Variants in ANKRD20A1 observed in about 807,000 individuals in gnomAD.
ANKRD20A1 encodes the protein ankyrin repeat domain 20 family member A1.
In ANKRD20A1, 2 loss-of-function variants were observed where a neutral mutation model predicts 50.9. The observed-to-expected ratio is 0.04, with a 90% CI of 0.02 to 0.12. The LOEUF is 0.12. ANKRD20A1 is among the 10% of genes least tolerant of loss of function. The probability of loss-of-function intolerance (pLI) is 1.00; values close to 1 mark genes in which losing one functional copy is unlikely to be tolerated. For synonymous variants in ANKRD20A1, 10 were observed against 186.2 expected, an observed-to-expected ratio of 0.05 and a Z score of 7.70; for missense variants, 31 against 548.1, an observed-to-expected ratio of 0.06 and a Z score of 9.42.
intron 11 of ANKRD20A1, among the ~76,000 whole-genome samples, chr9:67,888,987 GAC>G (rs1465495224): frequency 6.8e-6 from 1 of 147,068 alleles, no homozygotes. Flanking sequence ...GTGTTTTTGA[GAC>G]AGAGTCTTGC....
chr9:67,885,118 C>T (rs866919210), intron 9 of ANKRD20A1, among the ~76,000 whole-genome samples: 4,185 of 147,588 alleles, frequency 0.028, 1 homozygote, highest in Non-Finnish European at 0.04. Context: ...AGACCTGAGG[C>T]AAGTCAGGAG....
At chr9:67,882,395 C>T (rs1235983029) in intron 8 of ANKRD20A1, among the ~76,000 whole-genome samples, 2 of 143,934 alleles carry the variant, frequency 1.4e-5, no homozygotes, top group African/African-American at 2.5e-5. Flanking sequence ...TAAAATATTG[C>T]TTACATTGTA....
chr9:67,861,307 A>C lies in ANKRD20A1; in HGVS notation c.204-1634A>C, dbSNP rs1416050293. On this transcript the variant is annotated intron_variant, in intron 1 of 14. Coordinates refer to ENST00000562196, the MANE Select transcript of ANKRD20A1 (RefSeq NM_032250.5). ...GATTTTATTATCTATATATTTTATTATGTACATATGTTTTGCTTATATACT... is the reference window on the plus strand; with the variant it reads ...GATTTTATTATCTATATATTTTATTCTGTACATATGTTTTGCTTATATACT... Among the ~76,000 whole-genome samples, 2 of 48,712 alleles carry C rather than the reference A, an allele frequency of 4.1e-5. 1 individual carries two copies. The highest frequency in any genetic ancestry group is 8.3e-5 in the Non-Finnish European group (2 of 24,180). 32.0% of individuals were successfully genotyped at this position (48,712 alleles called of 152,430 possible). A position where few individuals can be genotyped will look rare whatever the true frequency, so the allele number is the denominator to read the frequency against.
intron 3 of ANKRD20A1, among the ~76,000 whole-genome samples, chr9:67,865,203 C>A (rs1827541618): frequency 6.7e-6 from 1 of 149,644 alleles, no homozygotes; most frequent in Non-Finnish European, 1.5e-5. Flanking sequence ...TTTAGCATAC[C>A]CAAAATGTCA....
intron 3 of ANKRD20A1, among the ~76,000 whole-genome samples, chr9:67,866,122 G>A (rs1371279371): frequency 6.7e-6 from 1 of 148,530 alleles, no homozygotes; most frequent in Non-Finnish European, 1.5e-5. Flanking sequence ...TATTATGCCA[G>A]AAATAATCCA....
intron 12 of ANKRD20A1, 77 bp from the exon 13 acceptor site, chr9:67,897,482 T>C (rs1401711608): frequency 2.0e-6 from 1 of 502,254 alleles, no homozygotes; most frequent in Middle Eastern, 5.2e-4. Context: ...TTAACCTGAA[T>C]CAAGTAAAAA....
chr9:67,893,888 G>T (rs1317908860), intron 12 of ANKRD20A1, among the ~76,000 whole-genome samples: 1 of 152,298 alleles, frequency 6.6e-6, no homozygotes, highest in African/African-American at 2.4e-5. Context: ...TAACAATGAT[G>T]GCCACTGAGT....
In ANKRD20A1 at chr9:67,859,349, G is replaced by C; in HGVS notation, c.-78G>C. ...GGGCTGGGTCGGCCGGGGTCGGGGA[G>C]GGGGGTGGTGAAAAGGTGACAGGGA... On this transcript the variant is annotated 5_prime_UTR_variant, in exon 1 of 15. Transcript: ENST00000562196. 6.9e-6 allele frequency: 4 copies of C among 577,234 alleles called. 1 individual carries two copies. Among genetic ancestry groups the C allele is most frequent in the Non-Finnish European group, 7.2e-6 (3 of 419,338 alleles). The allele number at this position is 577,234 out of a possible 1,614,324, so 35.8% of individuals were successfully genotyped here.
At chr9:67,873,084 GTC>G (rs1483322376) in intron 6 of ANKRD20A1, among the ~76,000 whole-genome samples, 2 of 124,508 alleles carry the variant, frequency 1.6e-5, no homozygotes, top group African/African-American at 5.8e-5. Flanking sequence ...AATAGATGAG[GTC>G]TCACTATATT....
In ANKRD20A1 at chr9:67,860,007, T is replaced by TA. The variant is rs1360646167; in HGVS notation, c.203+378_203+379insA. On this transcript the variant is annotated intron_variant, in intron 1 of 14. Coordinates refer to ENST00000562196, the MANE Select transcript of ANKRD20A1 (RefSeq NM_032250.5). ...TATTTACTATATTATATATATATAT[T>TA]TTTTTTTCAGATGAAAAGTATGTTT... Among the ~76,000 whole-genome samples the TA allele has an allele frequency of 2.7e-4, 8 of 29,512 alleles. 4 individuals are homozygous for TA. The highest frequency in any genetic ancestry group is 5.9e-4 in the Non-Finnish European group (8 of 13,460). 19.4% of individuals were successfully genotyped at this position (29,512 alleles called of 152,430 possible).
intron 9 of ANKRD20A1, among the ~76,000 whole-genome samples, chr9:67,884,853 G>C (rs1208690435): frequency 6.6e-6 from 1 of 151,352 alleles, no homozygotes; most frequent in Non-Finnish European, 1.5e-5. Flanking sequence ...TACCACCACT[G>C]CATTCCACCC....
chr9:67,893,590 C>CT, intron 12 of ANKRD20A1, 84 bp downstream of exon 12: 1 of 86,808 alleles, frequency 1.2e-5, no homozygotes, highest in African/African-American at 5.3e-5. Context: ...ATGACATGAC[C>CT]TTTTAGACTA....
Position 67,884,577 on chromosome 9 carries a change from A to C in ANKRD20A1, c.979+7A>C. On this transcript the variant is annotated splice_region_variant and intron_variant, in intron 9 of 14. Coordinates refer to ENST00000562196, the MANE Select transcript of ANKRD20A1 (RefSeq NM_032250.5). ...GTCAATGGACAAGGAGAAGGTGAGA[A>C]CCGTATTTTATTTAAAAAGTCATCT... 1 of 1,592,062 alleles carries C rather than the reference A, an allele frequency of 6.3e-7. No individual in the cohort carries two copies. The highest frequency in any genetic ancestry group is 8.5e-7 in the Non-Finnish European group (1 of 1,178,498).
intron 8 of ANKRD20A1, among the ~76,000 whole-genome samples, chr9:67,882,142 T>A (rs1381554463): frequency 2.0e-5 from 3 of 146,414 alleles, no homozygotes; most frequent in Non-Finnish European, 3.0e-5. Flanking sequence ...ACCATAGACC[T>A]GTGTCACCAT....
rs77626738 is a variant in ANKRD20A1 at position 67,858,934 on chromosome 9, T to C, written c.-493T>C. ...GGGCTGCAAGGCCAGACAGGCCCTC[T>C]TTCTCAGGCCGGGCTGGCTGCGCGC... On this transcript the variant is annotated 5_prime_UTR_variant, in exon 1 of 15. Transcript: ENST00000562196. Among the ~76,000 whole-genome samples, 18,331 of 22,858 alleles carry C rather than the reference T, an allele frequency of 0.8. 8,936 individuals are homozygous for C. Among genetic ancestry groups the C allele is most frequent in the East Asian group, 0.95 (968 of 1,024 alleles). 15.0% of individuals were successfully genotyped at this position (22,858 alleles called of 152,430 possible).
chr9:67,859,610 G>C lies in ANKRD20A1; in HGVS notation c.184G>C (p.Ala62Pro), dbSNP rs1442335806. ...CLARRSGDLD[A>P]LDKQHRTALH... ...GGCGCGCAGGAGCGGAGACCTGGAC[G>C]CCCTGGACAAGCAGCACAGGTAGCG... The change falls in exon 1 of 15, where the codon GCC becomes CCC. Residue 62 changes from alanine to proline, a missense_variant. Coordinates refer to ENST00000562196, the MANE Select transcript of ANKRD20A1 (RefSeq NM_032250.5). The C allele has an allele frequency of 4.6e-6, 3 of 647,642 alleles. 1 individual carries two copies. The African/African-American group carries it at 1.8e-4, about 38-fold the overall frequency. The allele number at this position is 647,642 out of a possible 1,614,324, so 40.1% of individuals were successfully genotyped here.
rs1235856937 is a variant in ANKRD20A1, at chr9:67,859,134, A to G, written c.-293A>G. ...AGGGACCGTCTTCTGGGAGCTCGGCAGCAACTGCCGTGCAGGCGCGCGCCC... is the reference window on the plus strand; with the variant it reads ...AGGGACCGTCTTCTGGGAGCTCGGCGGCAACTGCCGTGCAGGCGCGCGCCC... On this transcript the variant is annotated 5_prime_UTR_variant, in exon 1 of 15. Coordinates refer to ENST00000562196, the MANE Select transcript of ANKRD20A1 (RefSeq NM_032250.5). 1 of 73,798 alleles carries G rather than the reference A, an allele frequency of 1.4e-5. No individual in the cohort carries two copies. The highest frequency in any genetic ancestry group is 4.0e-4 in the East Asian group (1 of 2,484). 4.6% of individuals were successfully genotyped at this position (73,798 alleles called of 1,614,324 possible). A position where few individuals can be genotyped will look rare whatever the true frequency, so the allele number is the denominator to read the frequency against.
At chr9:67,877,078 CT>C (rs1470323130) in intron 6 of ANKRD20A1, among the ~76,000 whole-genome samples, 1 of 61,800 alleles carries the variant, frequency 1.6e-5, no homozygotes, top group Non-Finnish European at 4.5e-5. Flanking sequence ...CAGAAGCCTT[CT>C]TTGTTGATGA....
At chr9:67,881,922 TA>T (rs1474240811) in intron 8 of ANKRD20A1, among the ~76,000 whole-genome samples, 1 of 147,248 alleles carries the variant, frequency 6.8e-6, no homozygotes, top group Admixed American at 7.1e-5. Context: ...TGGAGGTCAG[TA>T]AACATATTTG....
Sources: allele counts gnomAD v4.1 joint callset (sites outside exome capture counted in the v4.1 genomes callset), GRCh38; gene constraint gnomAD v4.1.1; transcripts MANE v1.5; gene names NCBI Gene and HGNC (gene_info 2026-07-23, HGNC 2026-07-21).